Variants in STAMBPL1 observed in about 807,000 individuals in gnomAD.
The protein encoded by STAMBPL1 is STAM binding protein like 1.
A neutral mutation model predicts 52.9 loss-of-function variants in STAMBPL1; 44 were observed. The observed-to-expected ratio is 0.83, with a 90% CI of 0.65 to 1.07. The LOEUF is 1.07. Among genes scored for constraint, STAMBPL1 ranks in the 50% least tolerant of loss-of-function variants. The pLI, the probability that STAMBPL1 is intolerant of heterozygous loss-of-function variation, is 0.00. For synonymous variants in STAMBPL1, 164 were observed against 177.3 expected, an observed-to-expected ratio of 0.92 and a Z score of 0.60; for missense variants, 511 against 520.8, an observed-to-expected ratio of 0.98 and a Z score of 0.18.
At chr10:88,916,576 C>A (rs908562282) in intron 7 of STAMBPL1, 104 bp from the exon 8 acceptor site, 20 of 1,190,214 alleles carry the variant, frequency 1.7e-5, no homozygotes, top group East Asian at 1.5e-4. Flanking sequence ...CTGGACACAC[C>A]CCCCTGCTGG....
intron 1 of STAMBPL1, among the ~76,000 whole-genome samples, chr10:88,894,774 AATGTTTCT>A (rs1844771407): frequency 6.6e-6 from 1 of 152,200 alleles, no homozygotes; most frequent in South Asian, 2.1e-4. Context: ...AGAAAGGGTT[AATGTTTCT>A]ATTTTAAGTT....
rs992869704 is a variant in STAMBPL1, at chr10:88,905,581, G to A, written c.169G>A (p.Glu57Lys). 6.2e-7 allele frequency: 1 copy of A among 1,614,178 alleles called. No individual in the cohort carries two copies. Among genetic ancestry groups the A allele is most frequent in the African/African-American group, 1.3e-5 (1 of 75,064 alleles). ...ACGACGTTACTTTAGGTCTGGAGTA[G>A]AGATGGAGAGGATGGCGTCTGTGTA... ...TPRRYFRSGV[E>K]MERMASVYLE... The change falls in exon 3 of 11, where the codon GAG (glutamate) becomes AAG (lysine). Residue 57 changes from glutamate to lysine, a missense_variant. By Grantham distance (56) the Glu-to-Lys change is moderately conservative. This residue lies in a region of STAMBPL1 where 358 missense variants were observed against 343.5 expected (regional missense o/e 1.04). Transcript: ENST00000371926.
Position 88,923,239 on chromosome 10 carries a change from A to T in STAMBPL1, c.*15A>T. ...ATCTGAGGTGATATGTTCTGAATGT[A>T]AGCACCGTCAACATCAGACACCTAC... On this transcript the variant is annotated 3_prime_UTR_variant, in exon 11 of 11. Coordinates refer to ENST00000371926, the MANE Select transcript of STAMBPL1 (RefSeq NM_020799.4). 1 of 1,592,008 alleles carries T rather than the reference A, an allele frequency of 6.3e-7. No individual in the cohort carries two copies. The highest frequency in any genetic ancestry group is 8.5e-7 in the Non-Finnish European group (1 of 1,173,730).
Position 88,905,464 on chromosome 10 carries a change from G to C in STAMBPL1, c.52G>C (p.Asp18His), listed in dbSNP as rs776205269. 3 of 1,613,910 alleles carry C rather than the reference G, an allele frequency of 1.9e-6. No homozygotes were observed. The Admixed American group carries it at 5.0e-5, about 27-fold the overall frequency. Residue 18 changes from aspartate to histidine, a missense_variant, in exon 3 of 11, where the codon GAC (aspartate) becomes CAC (histidine). Around this residue, in one of 3 missense-constraint regions of STAMBPL1, gnomAD observed 358 missense variants for 343.5 expected, o/e 1.04. Coordinates refer to ENST00000371926, the MANE Select transcript of STAMBPL1 (RefSeq NM_020799.4). Reference sequence around the variant, plus strand: ...GCAGAAAAAGTTAGCTGCTATGCCTGACCATACAGATGTTTCCCTAAGCCC... The same window carrying C: ...GCAGAAAAAGTTAGCTGCTATGCCTCACCATACAGATGTTTCCCTAAGCCC... Reference protein sequence around the residue: ...NSLKKLAAMPDHTDVSLSPEE... With the variant: ...NSLKKLAAMPHHTDVSLSPEE...
At chr10:88,896,144 G>A (rs117315607) in intron 1 of STAMBPL1, among the ~76,000 whole-genome samples, 14 of 152,162 alleles carry the variant, frequency 9.2e-5, no homozygotes, top group East Asian at 3.9e-4. Context: ...TGATCATTTC[G>A]TTTTTATCTT....
chr10:88,884,816 T>C (rs1199236469), intron 1 of STAMBPL1, among the ~76,000 whole-genome samples: 1 of 152,096 alleles, frequency 6.6e-6, no homozygotes, highest in Non-Finnish European at 1.5e-5. Flanking sequence ...GATGATGGAG[T>C]GGTTGGAAAC....
intron 6 of STAMBPL1, among the ~76,000 whole-genome samples, chr10:88,914,050 A>G (rs190104668): frequency 1.1e-4 from 16 of 152,304 alleles, no homozygotes; most frequent in Admixed American, 1.0e-3. Context: ...GTTCCCATTT[A>G]TTTGAAATGA....
At chr10:88,913,058 T>C in intron 5 of STAMBPL1, 43 bp from the exon 6 acceptor site, 1 of 1,491,388 alleles carries the variant, frequency 6.7e-7, no homozygotes. Context: ...TCAATGTTTC[T>C]CCTTGGAAAC....
intron 8 of STAMBPL1, among the ~76,000 whole-genome samples, chr10:88,918,056 T>A (rs12414948): frequency 0.21 from 32,326 of 151,990 alleles, 4,530 homozygotes; most frequent in East Asian, 0.46. Context: ...AAGACCACAC[T>A]TCTTAATACT....
At chr10:88,911,098 T>A (rs1035319562) in intron 5 of STAMBPL1, 87 bp downstream of exon 5, 7 of 878,504 alleles carry the variant, frequency 8.0e-6, no homozygotes, top group Non-Finnish European at 1.2e-5. Flanking sequence ...GTTTTTCAAA[T>A]GTTTTGTGCA....
intron 1 of STAMBPL1, among the ~76,000 whole-genome samples, chr10:88,887,151 C>T (rs756163633): frequency 2.6e-5 from 4 of 152,026 alleles, no homozygotes; most frequent in Non-Finnish European, 5.9e-5. Flanking sequence ...GAAAGAGAGG[C>T]CTGAAATATG....
intron 6 of STAMBPL1, among the ~76,000 whole-genome samples, chr10:88,913,768 GAAAT>G (rs1253739870): frequency 4.6e-5 from 7 of 151,454 alleles, no homozygotes; most frequent in Admixed American, 2.0e-4. Flanking sequence ...TTTTAACTAA[GAAAT>G]ACATACATCT....
intron 8 of STAMBPL1, 149 bp from the exon 9 acceptor site, chr10:88,921,134 G>A (rs975876147): frequency 5.3e-6 from 3 of 565,098 alleles, no homozygotes; most frequent in African/African-American, 3.8e-5. Context: ...GGCATAAAGG[G>A]AAGGATTATG....
chr10:88,921,437 C>T (rs1845509152), intron 9 of STAMBPL1, 42 bp downstream of exon 9: 2 of 1,528,946 alleles, frequency 1.3e-6, no homozygotes, highest in Non-Finnish European at 1.8e-6. Flanking sequence ...AGGCTTTGTC[C>T]AGGGCTGCTG....
chr10:88,911,073 AT>A, intron 5 of STAMBPL1, 62 bp downstream of exon 5: 1 of 1,115,338 alleles, frequency 9.0e-7, no homozygotes, highest in Non-Finnish European at 1.3e-6. Flanking sequence ...TTTGAATTTC[AT>A]TTTTATGTGA....
chr10:88,897,114 G>A (rs556769054), intron 1 of STAMBPL1, among the ~76,000 whole-genome samples: 1 of 152,172 alleles, frequency 6.6e-6, no homozygotes, highest in Non-Finnish European at 1.5e-5. Flanking sequence ...AGAATAAACT[G>A]TTACAAGCTC....
intron 6 of STAMBPL1, 75 bp from the exon 7 acceptor site, chr10:88,914,459 G>A (rs1334667277): frequency 5.4e-5 from 66 of 1,228,314 alleles, no homozygotes; most frequent in Non-Finnish European, 7.0e-5. Context: ...AACTGCAACT[G>A]TTTGCCAATA....
intron 2 of STAMBPL1, among the ~76,000 whole-genome samples, chr10:88,904,261 C>A (rs930610042): frequency 6.6e-6 from 1 of 152,192 alleles, no homozygotes; most frequent in African/African-American, 2.4e-5. Flanking sequence ...TCAAACTGTA[C>A]AGGCATAAGT....
chr10:88,913,402 A>T lies in STAMBPL1; in HGVS notation c.722A>T (p.His241Leu). The change falls in exon 6 of 11, where the codon CAC (histidine) becomes CTC (leucine). Residue 241 changes from histidine to leucine, a missense_variant. Transcript: ENST00000371926. The part of the protein sequence containing the change: ...NKSDATNYAS[H>L]SPPVNRALTP... ...AGTGATGCAACCAATTATGCTAGCC[A>T]CTCTCCTCCTGTAAACAGGGCCTTA... is the stretch of plus-strand genomic sequence containing the variant. 2 of 1,613,392 alleles carry T rather than the reference A, an allele frequency of 1.2e-6. No homozygotes were observed. Among genetic ancestry groups the T allele is most frequent in the Non-Finnish European group, 1.7e-6 (2 of 1,179,716 alleles).
Sources: gnomAD v4.1 joint callset for allele counts (sites outside exome capture counted in the v4.1 genomes callset) on GRCh38, gnomAD v4.1.1 for gene constraint, gnomAD v4.1.1 regional missense constraint, MANE v1.5 for transcripts, NCBI Gene and HGNC (gene_info 2026-07-23, HGNC 2026-07-21) for gene names.